Variants in NLRP3 observed in about 807,000 individuals in gnomAD.
NLRP3 encodes the protein NLR family pyrin domain containing 3, also known as NACHT, LRR and PYD domains-containing protein 3.
A neutral mutation model predicts 91.3 loss-of-function variants in NLRP3; 48 were observed. That is an observed-to-expected ratio of 0.53 (90% CI 0.42 to 0.67). NLRP3 has a LOEUF of 0.67. Among genes scored for constraint, NLRP3 ranks in the 30% least tolerant of loss-of-function variants. NLRP3 has a pLI of 0.00. For synonymous variants in NLRP3, 561 were observed against 507.9 expected (o/e 1.10, Z -1.41); for missense variants, 982 against 1,276.9 (o/e 0.77, Z 3.52).
Position 247,424,316 on chromosome 1 carries a change from G to A in NLRP3, c.867G>A (p.Val289=). Residue 289 remains valine, a synonymous_variant, in exon 4 of 10, where the codon GTG becomes GTA. Coordinates refer to ENST00000336119, the MANE Select transcript of NLRP3 (RefSeq NM_001243133.2). The surrounding 1 kb of genome is among the most constrained non-coding windows in gnomAD (Gnocchi z 8.1). Reference sequence around the variant, plus strand: ...CAAACCCACCCATCCACAAGATCGTGAGAAAACCCTCCAGAATCCTCTTCC... The same window carrying A: ...CAAACCCACCCATCCACAAGATCGTAAGAAAACCCTCCAGAATCCTCTTCC... ...PDPNPPIHKI[V]RKPSRILFLM... The A allele has an allele frequency of 6.2e-7, 1 of 1,613,982 alleles. No homozygotes were observed. Among genetic ancestry groups the A allele is most frequent in the Non-Finnish European group, 8.5e-7 (1 of 1,179,966 alleles).
chr1:247,422,191 C>A (rs949728490), intron 2 of NLRP3, among the ~76,000 whole-genome samples: 1 of 152,004 alleles, frequency 6.6e-6, no homozygotes, highest in African/African-American at 2.4e-5. Flanking sequence ...CCAGCCTGGG[C>A]AACATAGTGA....
chr1:247,433,986 C>T (rs1663569905), intron 5 of NLRP3, 117 bp from the exon 6 acceptor site: 1 of 846,604 alleles, frequency 1.2e-6, no homozygotes, highest in Non-Finnish European at 2.0e-6. Context: ...CAGATGTGTT[C>T]TGATGCTTTC....
At chr1:247,435,906 C>A (rs984349787) in intron 6 of NLRP3, 64 bp from the exon 7 acceptor site, 19 of 1,536,214 alleles carry the variant, frequency 1.2e-5, no homozygotes, top group Middle Eastern at 2.3e-4. Flanking sequence ...GGTACGGGTG[C>A]TTCCTTGTCC....
At chr1:247,434,596 C>T (rs1663652687) in intron 6 of NLRP3, among the ~76,000 whole-genome samples, 1 of 152,092 alleles carries the variant, frequency 6.6e-6, no homozygotes, top group South Asian at 2.1e-4. Flanking sequence ...CATGACAAGC[C>T]CTGGGTCCTC....
Position 247,434,238 on chromosome 1 carries a change from A to T in NLRP3, c.2457A>T (p.Gly819=), listed in dbSNP as rs202034848. ...GDFGIRLLCV[G]LKHLLCNLKK... is the part of the protein sequence containing the mutation. ...TCGGAATCAGACTTCTGTGTGTGGG[A>T]CTGAAGCACCTGTTGTGCAATCTGA... Residue 819 remains glycine, a synonymous_variant, in exon 6 of 10, where the codon GGA becomes GGT. Transcript: ENST00000336119. 3.2e-4 allele frequency: 511 copies of T among 1,614,054 alleles called. 1 individual carries two copies. Among genetic ancestry groups the T allele is most frequent in the Non-Finnish European group, 8.5e-6 (10 of 1,180,048 alleles).
intron 2 of NLRP3, among the ~76,000 whole-genome samples, chr1:247,419,385 C>A (rs1201557016): frequency 6.6e-6 from 1 of 152,028 alleles, no homozygotes; most frequent in African/African-American, 2.4e-5. Context: ...AAACTCCCGA[C>A]CTCAGGTGAT....
At chr1:247,434,347 G>GA in intron 6 of NLRP3, 74 bp downstream of exon 6, 1 of 1,502,972 alleles carries the variant, frequency 6.7e-7, no homozygotes, top group Non-Finnish European at 9.1e-7. Context: ...AGTGAGGCCC[G>GA]GTGGGCTGGG....
chr1:247,437,536 C>T (rs943722440), intron 7 of NLRP3, among the ~76,000 whole-genome samples: 1 of 152,162 alleles, frequency 6.6e-6, no homozygotes, highest in Non-Finnish European at 1.5e-5. Flanking sequence ...TAGCAAATCG[C>T]CTTAGAATAT....
In NLRP3 at chr1:247,444,060, C is replaced by T. The variant is rs1386781990; in HGVS notation, c.2752C>T (p.Arg918Ter). ...TCAGAATCTCACGCACCTTTACCTG[C>T]GAGGCAACACTCTCGGAGACAAGGG... ...TNQNLTHLYL[R>*]GNTLGDKGIK... is the part of the protein sequence containing the mutation. Residue 918 changes from arginine (R) to a stop codon, truncating the protein, a stop_gained, in exon 8 of 10, where the codon CGA becomes TGA. Coordinates refer to ENST00000336119, the MANE Select transcript of NLRP3 (RefSeq NM_001243133.2). LOFTEE classifies it high-confidence loss of function. 1.9e-6 allele frequency: 3 copies of T among 1,613,986 alleles called. No homozygotes were observed. Among genetic ancestry groups the T allele is most frequent in the East Asian group, 2.2e-5 (1 of 44,892 alleles).
rs1446069373 is a variant in NLRP3, at chr1:247,425,959, T to C, written c.2150+360T>C. ...AGTCAATGTCTGTGGGGCAGAACAA[T>C]GCCAGAGAGTCTGTGTCCCAGGAGC... On this transcript the variant is annotated intron_variant, in intron 4 of 9. Transcript: ENST00000336119. The surrounding 1 kb of genome is among the most constrained non-coding windows in gnomAD (Gnocchi z 4.1). 6.6e-6 allele frequency among the ~76,000 whole-genome samples: 1 copy of C among 152,170 alleles called. No individual in the cohort carries two copies. Among genetic ancestry groups the C allele is most frequent in the African/African-American group, 2.4e-5 (1 of 41,450 alleles).
At position 247,424,677 on chromosome 1, in the gene NLRP3, C is replaced by T; in HGVS notation, c.1228C>T (p.Pro410Ser). 6.2e-7 allele frequency: 1 copy of T among 1,614,232 alleles called. No homozygotes were observed. ...GGTCCTCTTCACCATGTGCTTCATC[C>T]CCCTGGTCTGCTGGATCGTGTGCAC... ...NEVLFTMCFI[P>S]LVCWIVCTGL... The change falls in exon 4 of 10, where the codon CCC (proline) becomes TCC (serine). Residue 410 changes from proline to serine, a missense_variant. Transcript: ENST00000336119. The surrounding 1 kb of genome is among the most constrained non-coding windows in gnomAD (Gnocchi z 8.1).
At chr1:247,444,381 T>C (rs1427424784) in intron 8 of NLRP3, among the ~76,000 whole-genome samples, 1 of 152,214 alleles carries the variant, frequency 6.6e-6, no homozygotes, top group Non-Finnish European at 1.5e-5. Flanking sequence ...GTATGACACT[T>C]ACATTTTATG....
rs765285010 is a variant in NLRP3 at position 247,435,991 on chromosome 1, A to G, written c.2514A>G (p.Thr838=). ...GAAGGTTGGTCAGCTGCTGCCTCAC[A>G]TCAGCATGTTGTCAGGATCTTGCAT... ...KKLWLVSCCL[T]SACCQDLASV... The change falls in exon 7 of 10, where the codon ACA becomes ACG. Residue 838 remains threonine, a synonymous_variant. Transcript: ENST00000336119. The G allele has an allele frequency of 5.0e-6, 8 of 1,614,124 alleles. No individual in the cohort carries two copies. Among genetic ancestry groups the G allele is most frequent in the African/African-American group, 2.7e-5 (2 of 75,044 alleles).
At chr1:247,442,255 C>T (rs1286265631) in intron 7 of NLRP3, among the ~76,000 whole-genome samples, 2 of 152,214 alleles carry the variant, frequency 1.3e-5, no homozygotes, top group Non-Finnish European at 2.9e-5. Flanking sequence ...TCATGCTTTA[C>T]TGTCTGAATA....
At position 247,424,627 on chromosome 1, in the gene NLRP3, C is replaced by G; in HGVS notation, c.1178C>G (p.Ala393Gly). 2 of 1,614,256 alleles carry G rather than the reference C, an allele frequency of 1.2e-6. No individual in the cohort carries two copies. The highest frequency in any genetic ancestry group is 1.7e-6 in the Non-Finnish European group (2 of 1,180,052). The change falls in exon 4 of 10, where the codon GCC becomes GGC. Residue 393 changes from alanine to glycine, a missense_variant. This residue lies in a region of NLRP3 where 548 missense variants were observed against 713.7 expected (regional missense o/e 0.77). Transcript: ENST00000336119. This position sits in a 1 kb window ranked among gnomAD's most constrained non-coding sequence, Gnocchi z 8.1. ...YFSDEAQARA[A>G]FSLIQENEVL... ...TCTGATGAGGCCCAAGCCAGGGCAG[C>G]CTTCAGTCTGATTCAGGAGAACGAG...
chr1:247,436,976 A>T (rs1433115066), intron 7 of NLRP3, among the ~76,000 whole-genome samples: 2 of 152,236 alleles, frequency 1.3e-5, no homozygotes, highest in Non-Finnish European at 2.9e-5. Context: ...AAGAGGAGAA[A>T]ATAAAATTCA....
intron 9 of NLRP3, among the ~76,000 whole-genome samples, chr1:247,447,271 G>A (rs1269842177): frequency 6.6e-6 from 1 of 152,166 alleles, no homozygotes; most frequent in Non-Finnish European, 1.5e-5. Flanking sequence ...TGATTGCATG[G>A]AGGGAGGGGA....
chr1:247,428,124 C>T (rs1290450141), intron 4 of NLRP3, among the ~76,000 whole-genome samples: 2 of 151,976 alleles, frequency 1.3e-5, no homozygotes, highest in Admixed American at 6.6e-5. Flanking sequence ...CAGACTCTGA[C>T]TGGAACCCTG....
chr1:247,418,995 G>C lies in NLRP3; in HGVS notation c.195G>C (p.Ala65=), dbSNP rs201205620. The C allele has an allele frequency of 1.2e-5, 20 of 1,613,926 alleles. No individual in the cohort carries two copies. The highest frequency in any genetic ancestry group is 1.7e-5 in the Non-Finnish European group (20 of 1,180,044). The change falls in exon 2 of 10, where the codon GCG becomes GCC. Residue 65 remains alanine (A), a synonymous_variant. Coordinates refer to ENST00000336119, the MANE Select transcript of NLRP3 (RefSeq NM_001243133.2). The stretch of plus-strand genomic sequence containing the variant: ...TCGACTTCAATGGGGAGGAGAAGGC[G>C]TGGGCCATGGCCGTGTGGATCTTCG... ...LMIDFNGEEK[A]WAMAVWIFAA... is the part of the protein sequence containing the mutation.
Sources: allele counts gnomAD v4.1 joint callset (sites outside exome capture counted in the v4.1 genomes callset), GRCh38; gene constraint gnomAD v4.1.1; regional missense constraint gnomAD v4.1.1; non-coding constraint Gnocchi (gnomAD v3.1); transcripts MANE v1.5; gene names NCBI Gene and HGNC (gene_info 2026-07-23, HGNC 2026-07-21).